GPC5: variants seen among roughly 807,000 people sequenced by gnomAD.
The protein encoded by GPC5 is glypican-5.
In GPC5, 47 loss-of-function variants were observed where a neutral mutation model predicts 53.9. The ratio of observed to expected loss-of-function variants is 0.87; its 90% CI spans 0.69 to 1.11. GPC5 has a LOEUF of 1.11. Ranked by LOEUF, GPC5 falls within the 50% of genes most tolerant of loss-of-function variation. GPC5 has a pLI of 0.00. For synonymous variants in GPC5, 286 were observed against 263.3 expected (o/e 1.09, Z -0.84); for missense variants, 748 against 713.1 (o/e 1.05, Z -0.56).
chr13:92,803,542 C>T (rs1876984382), intron 7 of GPC5, among the ~76,000 whole-genome samples: 1 of 151,866 alleles, frequency 6.6e-6, no homozygotes, highest in South Asian at 2.1e-4. Context: ...CTATAGAAAT[C>T]TCTTGCTCTA....
chr13:92,424,074 C>T (rs894607669), intron 7 of GPC5, among the ~76,000 whole-genome samples: 1 of 152,038 alleles, frequency 6.6e-6, no homozygotes, highest in Non-Finnish European at 1.5e-5. Context: ...GTACCAAATG[C>T]CCTTTCCCCT....
intron 7 of GPC5, among the ~76,000 whole-genome samples, chr13:92,794,632 A>G (rs1594512234): frequency 6.6e-6 from 1 of 152,098 alleles, no homozygotes; most frequent in Non-Finnish European, 1.5e-5. Context: ...TATTTAGAAA[A>G]CCCCATCGTC....
chr13:91,788,948 T>G (rs1219263600), intron 5 of GPC5, among the ~76,000 whole-genome samples: 1 of 152,168 alleles, frequency 6.6e-6, no homozygotes, highest in Non-Finnish European at 1.5e-5. Context: ...GCATGGTGGC[T>G]CAGATCTGTA....
At chr13:91,570,660 T>C (rs1174656867) in intron 2 of GPC5, among the ~76,000 whole-genome samples, 1 of 152,194 alleles carries the variant, frequency 6.6e-6, no homozygotes, top group African/African-American at 2.4e-5. Context: ...ATGTTAGAGC[T>C]TGAATTTGAA....
At position 92,714,998 on chromosome 13, in the gene GPC5, G is replaced by A. The variant is rs558125070; in HGVS notation, c.1562-151284G>A. ...GAGAATTGCTTGAACCTGGGAGGCA[G>A]AAGTTGCAGTGAGCCAAGATCACGC... On this transcript the variant is annotated intron_variant, in intron 7 of 7. Coordinates refer to ENST00000377067, the MANE Select transcript of GPC5 (RefSeq NM_004466.6). Among the ~76,000 whole-genome samples the A allele has an allele frequency of 3.3e-5, 5 of 152,266 alleles. No homozygotes were observed. In the East Asian group the frequency reaches 9.7e-4, roughly 29 times the overall value.
At chr13:92,158,386 C>G (rs147215856) in intron 7 of GPC5, among the ~76,000 whole-genome samples, 1 of 152,220 alleles carries the variant, frequency 6.6e-6, no homozygotes, top group African/African-American at 2.4e-5. Flanking sequence ...ATTCAAAACA[C>G]AATGCCCAAA....
chr13:91,896,109 T>A (rs1414253422), intron 5 of GPC5, among the ~76,000 whole-genome samples: 1 of 148,760 alleles, frequency 6.7e-6, no homozygotes, highest in Non-Finnish European at 1.5e-5. Context: ...CATTTAAAAT[T>A]TTTTCTAATT....
At chr13:92,616,395 C>T (rs1884692787) in intron 7 of GPC5, among the ~76,000 whole-genome samples, 1 of 151,960 alleles carries the variant, frequency 6.6e-6, no homozygotes, top group Non-Finnish European at 1.5e-5. Context: ...TATAGCATAC[C>T]TTGGAGGTAT....
chr13:92,779,831 CAT>C (rs1278950015), intron 7 of GPC5, among the ~76,000 whole-genome samples: 1 of 152,012 alleles, frequency 6.6e-6, no homozygotes, highest in African/African-American at 2.4e-5. Flanking sequence ...AGGACAAACT[CAT>C]AAACCAGAAA....
At chr13:92,192,924 T>C (rs148543419) in intron 7 of GPC5, among the ~76,000 whole-genome samples, 4,335 of 152,242 alleles carry the variant, frequency 0.028, 196 homozygotes, top group African/African-American at 0.096. Flanking sequence ...TGCCTATAAT[T>C]CCAGCACTTT....
chr13:91,641,245 G>A (rs1214025350), intron 2 of GPC5, among the ~76,000 whole-genome samples: 2 of 151,908 alleles, frequency 1.3e-5, no homozygotes, highest in African/African-American at 4.8e-5. Context: ...GGAGAATGGC[G>A]TGAACCCAGG....
intron 7 of GPC5, among the ~76,000 whole-genome samples, chr13:92,248,559 A>G (rs1465763347): frequency 6.6e-6 from 1 of 152,194 alleles, no homozygotes; most frequent in Non-Finnish European, 1.5e-5. Flanking sequence ...TAGGATAAAA[A>G]GAGAAAATGT....
chr13:91,959,099 C>CACACACACAT (rs1293336545), intron 6 of GPC5, among the ~76,000 whole-genome samples: 1 of 145,190 alleles, frequency 6.9e-6, no homozygotes, highest in African/African-American at 2.7e-5. Context: ...CACACACACA[C>CACACACACAT]ACATCAATGA....
chr13:91,694,478 A>G (rs1335866978), intron 3 of GPC5, among the ~76,000 whole-genome samples: 2 of 152,234 alleles, frequency 1.3e-5, no homozygotes, highest in African/African-American at 2.4e-5. Context: ...AATGTAGTGT[A>G]TACACGGTCA....
intron 7 of GPC5, among the ~76,000 whole-genome samples, chr13:92,347,305 T>G (rs2043421294): frequency 6.6e-6 from 1 of 152,030 alleles, no homozygotes; most frequent in Admixed American, 6.6e-5. Flanking sequence ...AATAAGAAAC[T>G]CATCACATAC....
Position 92,274,789 on chromosome 13 carries a change from A to G in GPC5, c.1561+129800A>G, listed in dbSNP as rs530591234. The stretch of plus-strand genomic sequence containing the variant: ...AGAGTGAGTTTATTAGCCAAACGGA[A>G]GTTACAATCTTATGCAGTATAATCA... On this transcript the variant is annotated intron_variant, in intron 7 of 7. Transcript: ENST00000377067. Among the ~76,000 whole-genome samples, 4 of 152,272 alleles carry G rather than the reference A, an allele frequency of 2.6e-5. No individual in the cohort carries two copies. In the South Asian group the frequency reaches 8.3e-4, roughly 32 times the overall value.
At chr13:91,493,602 G>A (rs1406014411) in intron 2 of GPC5, among the ~76,000 whole-genome samples, 3 of 152,054 alleles carry the variant, frequency 2.0e-5, no homozygotes, top group South Asian at 2.1e-4. Context: ...CTGTGCACAC[G>A]TCTGCTCTTG....
chr13:92,400,646 G>T (rs1875514519), intron 7 of GPC5, among the ~76,000 whole-genome samples: 1 of 152,156 alleles, frequency 6.6e-6, no homozygotes. Flanking sequence ...TGTCTCTCCT[G>T]CCTTTTGAAA....
chr13:92,673,155 C>A (rs1886810945), intron 7 of GPC5, among the ~76,000 whole-genome samples: 1 of 141,482 alleles, frequency 7.1e-6, no homozygotes, highest in Non-Finnish European at 1.6e-5. Context: ...AATTCATTTA[C>A]CTTTTTAAAA....
Sources: gnomAD v4.1 joint callset for allele counts (sites outside exome capture counted in the v4.1 genomes callset) on GRCh38, gnomAD v4.1.1 for gene constraint, MANE v1.5 for transcripts, NCBI Gene and HGNC (gene_info 2026-07-23, HGNC 2026-07-21) for gene names.